The following DSCAML1 variants were observed in gnomAD, a reference collection of about 807,000 sequenced individuals.
DSCAML1 encodes the protein DS cell adhesion molecule like 1.
DSCAML1 carries 38 observed loss-of-function variants against 200.5 expected under a neutral mutation model. The ratio of observed to expected loss-of-function variants is 0.19; its 90% CI spans 0.15 to 0.25. The LOEUF (loss-of-function observed/expected upper bound fraction) is 0.25, where lower values mean the gene tolerates loss of function less well. Among genes scored for constraint, DSCAML1 ranks in the 10% least tolerant of loss-of-function variants. The pLI, the probability that DSCAML1 is intolerant of heterozygous loss-of-function variation, is 1.00. For synonymous variants in DSCAML1, 1,215 were observed against 1,165.0 expected (o/e 1.04, Z -0.87); for missense variants, 2,223 against 2,858.8 (o/e 0.78, Z 5.07).
At chr11:117,691,540 A>C (rs531471919) in intron 3 of DSCAML1, among the ~76,000 whole-genome samples, 1 of 152,264 alleles carries the variant, frequency 6.6e-6, no homozygotes, top group South Asian at 2.1e-4. Context: ...TGGGCTTATT[A>C]ATGATAATAA....
intron 11 of DSCAML1, among the ~76,000 whole-genome samples, chr11:117,487,330 G>A (rs2049095630): frequency 6.6e-6 from 1 of 151,556 alleles, no homozygotes; most frequent in Non-Finnish European, 1.5e-5. Flanking sequence ...TTTTGAACAT[G>A]TGACAGAGAG....
Position 117,505,024 on chromosome 11 carries a change from C to A in DSCAML1, c.2082G>T (p.Val694=). The stretch of plus-strand genomic sequence containing the variant: ...AGATGCCATCCTGGTTGTTGGGTTG[C>A]ACCACAAATCGAGGGGGCACTGCAG... ...LIVRVPPRFV[V]QPNNQDGIYG... Residue 694 remains valine (V), a synonymous_variant, in exon 10 of 33, where the codon GTG becomes GTT. Coordinates refer to ENST00000651296, the MANE Select transcript of DSCAML1 (RefSeq NM_020693.4). The surrounding 1 kb of genome is among the most constrained non-coding windows in gnomAD (Gnocchi z 6.7). 1 of 1,612,154 alleles carries A rather than the reference C, an allele frequency of 6.2e-7. No individual in the cohort carries two copies. Among genetic ancestry groups the A allele is most frequent in the Non-Finnish European group, 8.5e-7 (1 of 1,178,942 alleles).
At chr11:117,478,311 G>A (rs1414559124) in intron 14 of DSCAML1, among the ~76,000 whole-genome samples, 3 of 152,134 alleles carry the variant, frequency 2.0e-5, no homozygotes, top group Admixed American at 1.3e-4. Flanking sequence ...GATGTGCGCC[G>A]GCAGGGAGGC....
intron 3 of DSCAML1, among the ~76,000 whole-genome samples, chr11:117,592,284 C>T (rs2051273445): frequency 1.3e-5 from 2 of 152,170 alleles, no homozygotes; most frequent in South Asian, 4.1e-4. Flanking sequence ...GCCGGCTCGG[C>T]AAGGACTGCC....
At chr11:117,683,617 C>T (rs991572394) in intron 3 of DSCAML1, among the ~76,000 whole-genome samples, 1 of 152,162 alleles carries the variant, frequency 6.6e-6, no homozygotes, top group African/African-American at 2.4e-5. Flanking sequence ...CAGGCTTTTT[C>T]CTGTAGAGCA....
chr11:117,432,183 G>C (rs2047814719), intron 30 of DSCAML1, among the ~76,000 whole-genome samples, 169 bp downstream of exon 30: 2 of 152,186 alleles, frequency 1.3e-5, no homozygotes, highest in Non-Finnish European at 2.9e-5. Flanking sequence ...GTCACAGTTA[G>C]TAAATCTGCA....
chr11:117,704,826 T>C (rs1309083542), intron 3 of DSCAML1, among the ~76,000 whole-genome samples: 1 of 152,222 alleles, frequency 6.6e-6, no homozygotes, highest in Non-Finnish European at 1.5e-5. Flanking sequence ...TGGTACCTCA[T>C]AGCAGGGATG....
chr11:117,814,784 C>T (rs1262377730), intron 1 of DSCAML1, among the ~76,000 whole-genome samples: 4 of 152,196 alleles, frequency 2.6e-5, no homozygotes, highest in South Asian at 2.1e-4. Flanking sequence ...TCTTGAACAG[C>T]GGAGGCCCAG....
At position 117,428,211 on chromosome 11, in the gene DSCAML1, TG is replaced by T; in HGVS notation, c.*116del. The T allele has an allele frequency of 3.0e-6, 2 of 668,508 alleles. No individual in the cohort carries two copies. The highest frequency in any genetic ancestry group is 5.3e-6 in the Non-Finnish European group (2 of 375,368). 41.4% of individuals were successfully genotyped at this position (668,508 alleles called of 1,614,324 possible). A position where few individuals can be genotyped will look rare whatever the true frequency, so the allele number is the denominator to read the frequency against. ...CGTTCATGATTGGGGGTTTTTGTTT[TG>T]TCGTTGGTTGGTTTTTGTCTGTCAG... On this transcript the variant is annotated 3_prime_UTR_variant, in exon 33 of 33. Transcript: ENST00000651296.
At chr11:117,472,136 G>C in intron 14 of DSCAML1, 100 bp from the exon 15 acceptor site, 1 of 1,353,914 alleles carries the variant, frequency 7.4e-7, no homozygotes, top group Non-Finnish European at 1.0e-6. Context: ...TTGGATGCCC[G>C]AGGGGTCCAG....
chr11:117,449,623 CTCCTTGCTTCCGT>C (rs1349651418), intron 20 of DSCAML1, among the ~76,000 whole-genome samples: 4 of 152,272 alleles, frequency 2.6e-5, no homozygotes, highest in Admixed American at 1.3e-4. Flanking sequence ...CCTGCTTCTG[CTCCTTGCTTCCGT>C]TCCTTGCTTC....
chr11:117,664,364 T>C (rs1191586014), intron 3 of DSCAML1, among the ~76,000 whole-genome samples: 2 of 152,230 alleles, frequency 1.3e-5, no homozygotes, highest in African/African-American at 2.4e-5. Context: ...CATTTATGAA[T>C]TGCAGTGGGA....
chr11:117,624,290 C>T (rs1346530467), intron 3 of DSCAML1, among the ~76,000 whole-genome samples: 2 of 152,186 alleles, frequency 1.3e-5, no homozygotes, highest in East Asian at 3.9e-4. Flanking sequence ...GCGAGGCCTG[C>T]AACAGGAGGT....
intron 14 of DSCAML1, among the ~76,000 whole-genome samples, chr11:117,478,638 G>A (rs887947390): frequency 6.6e-6 from 1 of 152,166 alleles, no homozygotes; most frequent in East Asian, 1.9e-4. Flanking sequence ...CAGCCCGGAC[G>A]CCTCCCTCCC....
At chr11:117,655,180 T>A (rs2052708718) in intron 3 of DSCAML1, among the ~76,000 whole-genome samples, 2 of 152,226 alleles carry the variant, frequency 1.3e-5, no homozygotes, top group South Asian at 4.1e-4. Context: ...GGGGGCTTTC[T>A]GCAGGGGGAA....
At chr11:117,769,045 G>T in intron 3 of DSCAML1, among the ~76,000 whole-genome samples, 1 of 119,324 alleles carries the variant, frequency 8.4e-6, no homozygotes, top group African/African-American at 3.2e-5. Flanking sequence ...GGGTGACAGA[G>T]CAAGATTCCA....
chr11:117,590,635 G>A (rs1011012808), intron 3 of DSCAML1, among the ~76,000 whole-genome samples: 1 of 152,174 alleles, frequency 6.6e-6, no homozygotes, highest in Non-Finnish European at 1.5e-5. Context: ...ACAGGACTGA[G>A]GCCAGAATAT....
At position 117,437,226 on chromosome 11, in the gene DSCAML1, G is replaced by A. The variant is rs759898702; in HGVS notation, c.4616C>T (p.Thr1539Met). Residue 1539 changes from threonine to methionine, a missense_variant, in exon 26 of 33, where the codon ACG (threonine) becomes ATG (methionine). Physicochemically the swap from Thr to Met is moderately conservative, Grantham distance 81 (BLOSUM62 -1). Around this residue, in one of 7 missense-constraint regions of DSCAML1, gnomAD observed 614 missense variants for 739.1 expected, o/e 0.83. Coordinates refer to ENST00000651296, the MANE Select transcript of DSCAML1 (RefSeq NM_020693.4). This position sits in a 1 kb window ranked among gnomAD's most constrained non-coding sequence, Gnocchi z 5.3. ...RANSSGEVFL[T>M]ELREATWYEL... is the part of the protein sequence containing the mutation. ...GTACCACGTGGCCTCTCGCAGTTCC[G>A]TCAGAAACACCTCCCCGGAGCTGTT... 68 of 1,614,078 alleles carry A rather than the reference G, an allele frequency of 4.2e-5. No homozygotes were observed. Among genetic ancestry groups the A allele is most frequent in the Non-Finnish European group, 4.4e-5 (52 of 1,180,056 alleles).
intron 3 of DSCAML1, among the ~76,000 whole-genome samples, chr11:117,566,712 A>C (rs1028990961): frequency 6.7e-6 from 1 of 149,472 alleles, no homozygotes. Context: ...ATATCTCCCA[A>C]TGCTATCCCT....
Sources: gnomAD v4.1 joint callset for allele counts (sites outside exome capture counted in the v4.1 genomes callset) on GRCh38, gnomAD v4.1.1 for gene constraint, gnomAD v4.1.1 regional missense constraint, Gnocchi (gnomAD v3.1) non-coding constraint, MANE v1.5 for transcripts, NCBI Gene and HGNC (gene_info 2026-07-23, HGNC 2026-07-21) for gene names.